CTXND1: variants seen among roughly 807,000 people sequenced by gnomAD.
The protein encoded by CTXND1 is cortexin domain containing 1, also known as cortexin domain-containing 1 protein.
intron 1 of CTXND1, among the ~76,000 whole-genome samples, chr15:80,205,065 G>A (rs1408232406): frequency 6.6e-6 from 1 of 152,156 alleles, no homozygotes; most frequent in Non-Finnish European, 1.5e-5. Flanking sequence ...AGGAAAATAT[G>A]TATGTTTATG....
intron 1 of CTXND1, among the ~76,000 whole-genome samples, chr15:80,209,436 C>T (rs1163488021): frequency 2.0e-5 from 3 of 152,184 alleles, no homozygotes; most frequent in East Asian, 3.9e-4. Context: ...TGAGCCTGTA[C>T]GAGCCAAGTG....
At chr15:80,233,513 C>T (rs1486569635) in intron 1 of CTXND1, among the ~76,000 whole-genome samples, 2 of 152,140 alleles carry the variant, frequency 1.3e-5, no homozygotes, top group African/African-American at 4.8e-5. Flanking sequence ...CTGCCTGGCT[C>T]TTGGTGGCTT....
At chr15:80,233,240 A>G (rs548874503) in intron 1 of CTXND1, among the ~76,000 whole-genome samples, 6 of 152,284 alleles carry the variant, frequency 3.9e-5, no homozygotes, top group African/African-American at 1.2e-4. Context: ...TGCCTGGCCA[A>G]TGCAACTTCT....
chr15:80,241,482 C>T (rs67213183), intron 1 of CTXND1, among the ~76,000 whole-genome samples: 28,384 of 152,142 alleles, frequency 0.19, 3,568 homozygotes, highest in East Asian at 0.59. Context: ...ATGATCTGAA[C>T]TGAGGACCCC....
At chr15:80,224,770 C>T (rs936120806) in intron 1 of CTXND1, among the ~76,000 whole-genome samples, 2 of 152,144 alleles carry the variant, frequency 1.3e-5, no homozygotes, top group Non-Finnish European at 2.9e-5. Context: ...TTGAGACAGG[C>T]TCTCACTGTG....
intron 1 of CTXND1, among the ~76,000 whole-genome samples, chr15:80,244,580 G>C (rs895732639): frequency 1.1e-4 from 17 of 152,230 alleles, no homozygotes; most frequent in Non-Finnish European, 2.4e-4. Context: ...CCTCACACCA[G>C]AGTGGTGCAG....
At chr15:80,220,302 C>T (rs996183661) in intron 1 of CTXND1, among the ~76,000 whole-genome samples, 1 of 152,184 alleles carries the variant, frequency 6.6e-6, no homozygotes, top group Non-Finnish European at 1.5e-5. Flanking sequence ...ACAATTGTCT[C>T]ATCCCTATTT....
rs2041417292 is a variant in CTXND1 at position 80,195,775 on chromosome 15, A to T, written c.*5995T>A. 1 of 152,230 alleles carries T rather than the reference A, an allele frequency of 6.6e-6. No homozygotes were observed. The highest frequency in any genetic ancestry group is 6.5e-5 in the Admixed American group (1 of 15,282). The allele number at this position is 152,230 out of a possible 1,614,324, so 9.4% of individuals were successfully genotyped here. ...GTTTCCAACATATGAACTTTGGGGG[A>T]CACATTCAAACCACAGCATATTCAT... On this transcript the variant is annotated 3_prime_UTR_variant, in exon 3 of 3. Transcript: ENST00000560778.
chr15:80,208,567 C>T (rs977578865), intron 1 of CTXND1, among the ~76,000 whole-genome samples: 2 of 152,244 alleles, frequency 1.3e-5, no homozygotes, highest in South Asian at 4.2e-4. Flanking sequence ...ATTATGTTAT[C>T]GTTTTTGCAT....
intron 1 of CTXND1, among the ~76,000 whole-genome samples, chr15:80,229,173 C>T (rs1419026488): frequency 6.6e-6 from 1 of 152,208 alleles, no homozygotes; most frequent in Non-Finnish European, 1.5e-5. Flanking sequence ...GATATCCCCA[C>T]TCACCTGGCT....
intron 1 of CTXND1, among the ~76,000 whole-genome samples, chr15:80,226,331 G>T (rs1893371290): frequency 6.6e-6 from 1 of 152,170 alleles, no homozygotes; most frequent in East Asian, 1.9e-4. Context: ...TTTTTGCTCA[G>T]TTGAAAATAT....
chr15:80,244,698 A>G (rs985732162), intron 1 of CTXND1, among the ~76,000 whole-genome samples: 4 of 152,198 alleles, frequency 2.6e-5, no homozygotes, highest in Admixed American at 2.6e-4. Context: ...AGAAGACACA[A>G]ATGACTAGAA....
intron 1 of CTXND1, among the ~76,000 whole-genome samples, chr15:80,225,465 G>C (rs1295731835): frequency 1.3e-5 from 2 of 151,732 alleles, no homozygotes; most frequent in African/African-American, 4.8e-5. Context: ...TGTCTTTCTG[G>C]TTTTATTATA....
chr15:80,249,407 CCA>C (rs1893668836), intron 1 of CTXND1, among the ~76,000 whole-genome samples: 1 of 152,194 alleles, frequency 6.6e-6, no homozygotes, highest in African/African-American at 2.4e-5. Context: ...ACTCAGAATC[CCA>C]GTTTTCCTAC....
At chr15:80,238,585 C>T (rs61392960) in intron 1 of CTXND1, among the ~76,000 whole-genome samples, 1,784 of 151,456 alleles carry the variant, frequency 0.012, 23 homozygotes, top group African/African-American at 0.035. Flanking sequence ...CCCAGGTTCA[C>T]GCCATTCTCC....
chr15:80,249,341 TGGGATTCTAAC>T (rs1893668252), intron 1 of CTXND1, among the ~76,000 whole-genome samples: 1 of 152,116 alleles, frequency 6.6e-6, no homozygotes, highest in Non-Finnish European at 1.5e-5. Context: ...TTGGGGTCTG[TGGGATTCTAAC>T]GGGACAAGGG....
At chr15:80,211,374 G>C (rs1299259509) in intron 1 of CTXND1, among the ~76,000 whole-genome samples, 2 of 152,212 alleles carry the variant, frequency 1.3e-5, no homozygotes, top group Non-Finnish European at 2.9e-5. Context: ...CAGCCATTAT[G>C]AAAGGTGACC....
intron 1 of CTXND1, among the ~76,000 whole-genome samples, chr15:80,239,796 T>C (rs1006618361): frequency 3.9e-5 from 6 of 152,198 alleles, no homozygotes; most frequent in Non-Finnish European, 8.8e-5. Flanking sequence ...AGGATCACCA[T>C]GCTCAGGCTC....
intron 1 of CTXND1, among the ~76,000 whole-genome samples, chr15:80,248,559 C>T (rs1158727150): frequency 6.6e-6 from 1 of 152,198 alleles, no homozygotes; most frequent in Non-Finnish European, 1.5e-5. Context: ...ATTCTGAGGC[C>T]TCGTTCTGGC....
Sources: allele counts gnomAD v4.1 joint callset (sites outside exome capture counted in the v4.1 genomes callset), GRCh38; gene constraint gnomAD v4.1.1; transcripts MANE v1.5; gene names NCBI Gene and HGNC (gene_info 2026-07-23, HGNC 2026-07-21).